The following GRXCR1 variants were observed in gnomAD, a reference collection of about 807,000 sequenced individuals.
The protein encoded by GRXCR1 is glutaredoxin domain-containing cysteine-rich protein 1.
In GRXCR1, 27 loss-of-function variants were observed where a neutral mutation model predicts 27.3. The observed-to-expected ratio is 0.99, with a 90% CI of 0.73 to 1.37. GRXCR1 has a LOEUF of 1.37. Ranked by LOEUF, GRXCR1 falls within the 40% of genes most tolerant of loss-of-function variation. The pLI, the probability that GRXCR1 is intolerant of heterozygous loss-of-function variation, is 0.00. For synonymous variants in GRXCR1, 122 were observed against 131.1 expected (o/e 0.93, Z 0.47); for missense variants, 379 against 354.4 (o/e 1.07, Z -0.56).
chr4:42,966,321 C>T (rs1748236293), intron 2 of GRXCR1, among the ~76,000 whole-genome samples: 1 of 151,930 alleles, frequency 6.6e-6, no homozygotes, highest in African/African-American at 2.4e-5. Context: ...TGGAATGGAG[C>T]TATAAAATGT....
chr4:43,027,232 T>C (rs1175388619), intron 3 of GRXCR1, among the ~76,000 whole-genome samples: 1 of 152,242 alleles, frequency 6.6e-6, no homozygotes, highest in Admixed American at 6.5e-5. Flanking sequence ...AATTAGTTCA[T>C]TGAATCCTCT....
intron 2 of GRXCR1, among the ~76,000 whole-genome samples, chr4:43,011,585 C>G (rs535408308): frequency 0.018 from 2,740 of 152,242 alleles, 36 homozygotes; most frequent in Middle Eastern, 0.037. Flanking sequence ...GTTCACACTT[C>G]TATTGTGGGG....
intron 1 of GRXCR1, among the ~76,000 whole-genome samples, chr4:42,960,264 G>A (rs1244717360): frequency 6.6e-6 from 1 of 151,904 alleles, no homozygotes; most frequent in African/African-American, 2.4e-5. Context: ...GATCATTTTG[G>A]TAGAAAACTA....
At chr4:42,904,926 A>G (rs1338777550) in intron 1 of GRXCR1, among the ~76,000 whole-genome samples, 1 of 152,188 alleles carries the variant, frequency 6.6e-6, no homozygotes, top group African/African-American at 2.4e-5. Context: ...TATAAATTTT[A>G]TAGAGATTCT....
chr4:42,923,656 A>G (rs569610516), intron 1 of GRXCR1, among the ~76,000 whole-genome samples: 27 of 152,192 alleles, frequency 1.8e-4, no homozygotes, highest in African/African-American at 5.1e-4. Flanking sequence ...CCATGCTTCT[A>G]TGCCTCCATC....
chr4:42,897,071 A>G (rs542231110), intron 1 of GRXCR1, among the ~76,000 whole-genome samples: 1 of 152,160 alleles, frequency 6.6e-6, no homozygotes, highest in African/African-American at 2.4e-5. Flanking sequence ...AATTTTAAAA[A>G]TATATTTACT....
At chr4:42,952,007 T>TG (rs1747893961) in intron 1 of GRXCR1, among the ~76,000 whole-genome samples, 2 of 152,188 alleles carry the variant, frequency 1.3e-5, no homozygotes, top group Admixed American at 1.3e-4. Flanking sequence ...CTGAGAGCAC[T>TG]GAGAAAATAG....
chr4:42,988,231 G>A (rs1475413503), intron 2 of GRXCR1, among the ~76,000 whole-genome samples: 1 of 152,102 alleles, frequency 6.6e-6, no homozygotes, highest in Non-Finnish European at 1.5e-5. Context: ...GGAGAAAATA[G>A]GCAAGACCTA....
chr4:43,012,900 A>T (rs1218454871), intron 2 of GRXCR1, among the ~76,000 whole-genome samples: 1 of 152,216 alleles, frequency 6.6e-6, no homozygotes, highest in Non-Finnish European at 1.5e-5. Flanking sequence ...ATGAACACAC[A>T]CTTCTCAAAA....
chr4:42,911,423 A>G (rs765277597), intron 1 of GRXCR1, among the ~76,000 whole-genome samples: 1 of 152,152 alleles, frequency 6.6e-6, no homozygotes, highest in Admixed American at 6.6e-5. Context: ...GAGATAAGAC[A>G]CACATGTATC....
At chr4:42,921,604 G>A (rs1213262921) in intron 1 of GRXCR1, among the ~76,000 whole-genome samples, 1 of 151,900 alleles carries the variant, frequency 6.6e-6, no homozygotes, top group Admixed American at 6.6e-5. Context: ...TCTCTAAACA[G>A]CTTATTTAGT....
intron 1 of GRXCR1, among the ~76,000 whole-genome samples, chr4:42,921,648 T>C (rs1465124861): frequency 6.6e-6 from 1 of 152,072 alleles, no homozygotes; most frequent in Non-Finnish European, 1.5e-5. Context: ...ATGGATGGTT[T>C]TATTTCTTTC....
intron 2 of GRXCR1, among the ~76,000 whole-genome samples, chr4:42,973,482 TC>T (rs2109780608): frequency 1.3e-5 from 2 of 152,082 alleles, no homozygotes; most frequent in East Asian, 3.9e-4. Flanking sequence ...GTTTTTTTTT[TC>T]TTGACATTAA....
At chr4:42,899,309 G>A (rs183984799) in intron 1 of GRXCR1, among the ~76,000 whole-genome samples, 3 of 152,012 alleles carry the variant, frequency 2.0e-5, no homozygotes, top group South Asian at 2.1e-4. Context: ...CATATCTACC[G>A]TGAGACAAAA....
Position 43,030,464 on chromosome 4 carries a change from C to G in GRXCR1, c.797C>G (p.Thr266Arg). 1.2e-6 allele frequency: 2 copies of G among 1,614,086 alleles called. No homozygotes were observed. The highest frequency in any genetic ancestry group is 1.7e-6 in the Non-Finnish European group (2 of 1,179,962). Residue 266 changes from threonine (T) to arginine (R), a missense_variant, in exon 4 of 4, where the codon ACA (threonine) becomes AGA (arginine). Physicochemically the swap from Thr to Arg is moderately conservative, Grantham distance 71. Coordinates refer to ENST00000399770, the MANE Select transcript of GRXCR1 (RefSeq NM_001080476.3). The stretch of plus-strand genomic sequence containing the variant: ...ATGTCCATGTTTCGAAACTGCTTCA[C>G]AGACTCTTTCAAAGCCCTGAAGTGT... ...SKMSMFRNCF[T>R]DSFKALKCTA...
At chr4:43,017,703 A>G (rs1414529427) in intron 2 of GRXCR1, among the ~76,000 whole-genome samples, 1 of 152,184 alleles carries the variant, frequency 6.6e-6, no homozygotes, top group Non-Finnish European at 1.5e-5. Context: ...AATTTCCACT[A>G]GCATAGAATT....
chr4:42,918,013 T>C (rs748617481), intron 1 of GRXCR1, among the ~76,000 whole-genome samples: 11 of 152,114 alleles, frequency 7.2e-5, no homozygotes, highest in Admixed American at 5.2e-4. Flanking sequence ...CTGAAATATA[T>C]ATCTGCATAA....
chr4:42,901,653 A>T (rs207464573), intron 1 of GRXCR1, among the ~76,000 whole-genome samples: 1 of 152,170 alleles, frequency 6.6e-6, no homozygotes, highest in Non-Finnish European at 1.5e-5. Context: ...GATTGTAGAG[A>T]TTAGGACATG....
chr4:42,975,916 G>T (rs976947022), intron 2 of GRXCR1, among the ~76,000 whole-genome samples: 1 of 152,116 alleles, frequency 6.6e-6, no homozygotes. Context: ...CAATTAAAGA[G>T]AAAGAACTTT....
Sources: gnomAD v4.1 joint callset for allele counts (sites outside exome capture counted in the v4.1 genomes callset) on GRCh38, gnomAD v4.1.1 for gene constraint, MANE v1.5 for transcripts, NCBI Gene and HGNC (gene_info 2026-07-23, HGNC 2026-07-21) for gene names.